The following TMEM8B variants were observed in gnomAD, a reference collection of about 807,000 sequenced individuals.
The protein encoded by TMEM8B is transmembrane protein 8B.
In TMEM8B, 29 loss-of-function variants were observed where a neutral mutation model predicts 49.3. The observed-to-expected ratio is 0.59, with a 90% CI of 0.44 to 0.80. TMEM8B has a LOEUF of 0.80. Ranked by LOEUF, TMEM8B falls within the 30% of genes least tolerant of loss-of-function variation. The pLI is 0.00. For synonymous variants in TMEM8B, 264 were observed against 272.8 expected, an observed-to-expected ratio of 0.97 and a Z score of 0.32; for missense variants, 575 against 658.5, an observed-to-expected ratio of 0.87 and a Z score of 1.39.
In TMEM8B at chr9:35,841,030, G is replaced by A. The variant is rs1196831547; in HGVS notation, c.907-104G>A. The A allele has an allele frequency of 3.2e-5, 13 of 411,226 alleles. No individual in the cohort carries two copies. The highest frequency in any genetic ancestry group is 2.9e-4 in the East Asian group (8 of 28,010). The allele number at this position is 411,226 out of a possible 1,614,324, so 25.5% of individuals were successfully genotyped here. On this transcript the variant is annotated intron_variant, in intron 3 of 12. Coordinates refer to ENST00000643932, the MANE Select transcript of TMEM8B (RefSeq NM_001042590.4). The surrounding 1 kb of genome is among the most constrained non-coding windows in gnomAD (Gnocchi z 5.9). ...GGTTAGAGGCCTGGGAGTGGTGGCCGGGGCGGGGGTTTCTCCCCAGCCCGC... is the reference window on the plus strand; with the variant it reads ...GGTTAGAGGCCTGGGAGTGGTGGCCAGGGCGGGGGTTTCTCCCCAGCCCGC...
chr9:35,856,936 C>T lies in TMEM8B; in HGVS notation c.*3096C>T, dbSNP rs973457242. On this transcript the variant is annotated 3_prime_UTR_variant, in exon 13 of 13. Transcript: ENST00000643932. ...GCTGGACGTAGCCGCTGAACCAGGCCTGTCTCCAGGCTCCCAAAATGGGAA... is the reference window on the plus strand; with the variant it reads ...GCTGGACGTAGCCGCTGAACCAGGCTTGTCTCCAGGCTCCCAAAATGGGAA... 2 of 152,216 alleles carry T rather than the reference C, an allele frequency of 1.3e-5. No homozygotes were observed. The highest frequency in any genetic ancestry group is 4.8e-5 in the African/African-American group (2 of 41,444). 9.4% of individuals were successfully genotyped at this position (152,216 alleles called of 1,614,324 possible). A position where few individuals can be genotyped will look rare whatever the true frequency, so the allele number is the denominator to read the frequency against.
chr9:35,833,595 C>T (rs1014738521), intron 1 of TMEM8B, among the ~76,000 whole-genome samples: 1 of 152,188 alleles, frequency 6.6e-6, no homozygotes, highest in Non-Finnish European at 1.5e-5. Flanking sequence ...ACTTCCTCCC[C>T]ACCTCCCAAC....
At position 35,865,296 on chromosome 9, in the gene TMEM8B, G is replaced by T. The variant is rs1217466827; in HGVS notation, c.*11456G>T. 1 of 152,210 alleles carries T rather than the reference G, an allele frequency of 6.6e-6. No individual in the cohort carries two copies. The highest frequency in any genetic ancestry group is 2.4e-5 in the African/African-American group (1 of 41,452). 9.4% of individuals were successfully genotyped at this position (152,210 alleles called of 1,614,324 possible). ...GGACCTGGATTCATCAAAGCTTAAA[G>T]TAAATTGCTTTGTAAGGTGGGAGAC... On this transcript the variant is annotated 3_prime_UTR_variant, in exon 13 of 13. Coordinates refer to ENST00000643932, the MANE Select transcript of TMEM8B (RefSeq NM_001042590.4).
At chr9:35,848,623 C>T (rs1017378026) in intron 10 of TMEM8B, among the ~76,000 whole-genome samples, 1 of 151,606 alleles carries the variant, frequency 6.6e-6, no homozygotes, top group Non-Finnish European at 1.5e-5. Flanking sequence ...AGGAGAGCCT[C>T]AAGTGCCTGG....
At position 35,864,784 on chromosome 9, in the gene TMEM8B, C is replaced by T. The variant is rs1223096942; in HGVS notation, c.*10944C>T. 3 of 152,276 alleles carry T rather than the reference C, an allele frequency of 2.0e-5. No homozygotes were observed. In the East Asian group the frequency reaches 5.8e-4, roughly 29 times the overall value. The allele number at this position is 152,276 out of a possible 1,614,324, so 9.4% of individuals were successfully genotyped here. ...ATCTCCTTACCTCTCACCTACTGGC[C>T]ATGGCCTAAATGTCTGTAGGGAGCT... On this transcript the variant is annotated 3_prime_UTR_variant, in exon 13 of 13. Transcript: ENST00000643932.
intron 10 of TMEM8B, among the ~76,000 whole-genome samples, chr9:35,852,141 C>T (rs957508227): frequency 6.6e-6 from 1 of 152,184 alleles, no homozygotes; most frequent in African/African-American, 2.4e-5. Flanking sequence ...TGATCCGATT[C>T]CACTTCTGCT....
intron 3 of TMEM8B, 133 bp downstream of exon 3, chr9:35,835,351 A>G (rs1830339612): frequency 2.5e-6 from 1 of 400,646 alleles, no homozygotes; most frequent in East Asian, 3.6e-5. Context: ...GGGGCGGGGC[A>G]TGGCTAAAGG....
intron 3 of TMEM8B, among the ~76,000 whole-genome samples, chr9:35,840,417 A>G (rs1014854047): frequency 2.0e-5 from 3 of 152,188 alleles, no homozygotes; most frequent in South Asian, 2.1e-4. Context: ...TTCAGCAAAC[A>G]TTCATCTGTG....
intron 10 of TMEM8B, among the ~76,000 whole-genome samples, chr9:35,851,659 A>C (rs1188694276): frequency 1.3e-5 from 2 of 152,222 alleles, no homozygotes; most frequent in Non-Finnish European, 2.9e-5. Context: ...TCCAAAGTGA[A>C]GGAAAAGAAA....
chr9:35,837,297 A>G (rs1328400877), intron 3 of TMEM8B, among the ~76,000 whole-genome samples: 1 of 147,450 alleles, frequency 6.8e-6, no homozygotes, highest in Non-Finnish European at 1.5e-5. Flanking sequence ...GGGGACACAG[A>G]GAAAAATAAG....
intron 3 of TMEM8B, 199 bp downstream of exon 3, chr9:35,835,417 C>T (rs562792671): frequency 1.8e-5 from 7 of 392,952 alleles, no homozygotes; most frequent in African/African-American, 1.4e-4. Flanking sequence ...AACTTGGCAG[C>T]CCCAGGAGGA....
In TMEM8B at chr9:35,841,805, C is replaced by T. The variant is rs991222442; in HGVS notation, c.1309+11C>T. The T allele has an allele frequency of 4.8e-6, 2 of 415,920 alleles. No homozygotes were observed. Among genetic ancestry groups the T allele is most frequent in the Non-Finnish European group, 4.4e-6 (1 of 226,540 alleles). The allele number at this position is 415,920 out of a possible 1,614,324, so 25.8% of individuals were successfully genotyped here. On this transcript the variant is annotated intron_variant, in intron 5 of 12. Coordinates refer to ENST00000643932, the MANE Select transcript of TMEM8B (RefSeq NM_001042590.4). The surrounding 1 kb of genome is among the most constrained non-coding windows in gnomAD (Gnocchi z 5.9). ...GTGTGCGGTTGCAAGGTCAGAACCC[C>T]TGCATTTGCCCCAGTCTGTGTAGAC...
chr9:35,830,446 C>T (rs1019830205), intron 1 of TMEM8B, among the ~76,000 whole-genome samples: 1 of 152,170 alleles, frequency 6.6e-6, no homozygotes, highest in African/African-American at 2.4e-5. Flanking sequence ...GAGTTTTCTT[C>T]TTGTAATGAT....
Position 35,842,660 on chromosome 9 carries a change from G to A in TMEM8B, c.1578G>A (p.Arg526=). The change falls in exon 6 of 13, where the codon AGG becomes AGA. Residue 526 remains arginine (R), a synonymous_variant. Transcript: ENST00000643932. The surrounding 1 kb of genome is among the most constrained non-coding windows in gnomAD (Gnocchi z 5.6). The stretch of plus-strand genomic sequence containing the variant: ...AGCGCCCAGCCGTGTTCGCCATGAG[G>A]CTGTTGCCAGTGCTGGACAGTGGAG... The part of the protein sequence containing the change: ...PPERPAVFAM[R]LLPVLDSGGV... The A allele has an allele frequency of 6.2e-7, 1 of 1,614,172 alleles. No homozygotes were observed. The highest frequency in any genetic ancestry group is 8.5e-7 in the Non-Finnish European group (1 of 1,179,994).
chr9:35,845,137 T>C (rs1282421031), intron 6 of TMEM8B, among the ~76,000 whole-genome samples: 1 of 152,242 alleles, frequency 6.6e-6, no homozygotes, highest in Non-Finnish European at 1.5e-5. Flanking sequence ...GATGAGAATT[T>C]ATCTCAGAAC....
Position 35,854,054 on chromosome 9 carries a change from T to A in TMEM8B, c.*214T>A. On this transcript the variant is annotated 3_prime_UTR_variant, in exon 13 of 13. Coordinates refer to ENST00000643932, the MANE Select transcript of TMEM8B (RefSeq NM_001042590.4). ...TCCCCCTGCATCATGGAGTCCTTCT[T>A]AAGGACTGGAGCCTATGCAGGCACA... 7.8e-7 allele frequency: 1 copy of A among 1,281,950 alleles called. No homozygotes were observed. Among genetic ancestry groups the A allele is most frequent in the Non-Finnish European group, 9.8e-7 (1 of 1,017,422 alleles). The allele number at this position is 1,281,950 out of a possible 1,614,324, so 79.4% of individuals were successfully genotyped here. A position where few individuals can be genotyped will look rare whatever the true frequency, so the allele number is the denominator to read the frequency against.
chr9:35,845,838 G>A (rs1831470372), intron 6 of TMEM8B, 137 bp from the exon 7 acceptor site: 3 of 1,547,498 alleles, frequency 1.9e-6, no homozygotes, highest in African/African-American at 1.4e-5. Flanking sequence ...AGGTGAGAGA[G>A]CAGCTTTGGC....
chr9:35,843,294 A>C (rs1255391930), intron 6 of TMEM8B, among the ~76,000 whole-genome samples: 1 of 152,120 alleles, frequency 6.6e-6, no homozygotes, highest in Non-Finnish European at 1.5e-5. Flanking sequence ...CCACTCTCTC[A>C]CGTTTTCCCC....
In TMEM8B at chr9:35,842,845, G is replaced by A; in HGVS notation, c.1635+128G>A. ...TTGCTCCCACCCATCCTGACAATTA[G>A]GGACCATGGCTCAGCCCAATTCTGG... On this transcript the variant is annotated intron_variant, in intron 6 of 12. Transcript: ENST00000643932. The surrounding 1 kb of genome is among the most constrained non-coding windows in gnomAD (Gnocchi z 5.6). 1.0e-6 allele frequency: 1 copy of A among 982,980 alleles called. No individual in the cohort carries two copies. Among genetic ancestry groups the A allele is most frequent in the Non-Finnish European group, 1.5e-6 (1 of 686,068 alleles). The allele number at this position is 982,980 out of a possible 1,614,324, so 60.9% of individuals were successfully genotyped here.
Sources: allele counts gnomAD v4.1 joint callset (sites outside exome capture counted in the v4.1 genomes callset), GRCh38; gene constraint gnomAD v4.1.1; non-coding constraint Gnocchi (gnomAD v3.1); transcripts MANE v1.5; gene names NCBI Gene and HGNC (gene_info 2026-07-23, HGNC 2026-07-21).